The following PKD1 variants were observed in gnomAD, a reference collection of about 807,000 sequenced individuals.
PKD1 encodes polycystin-1.
PKD1 carries 81 observed loss-of-function variants against 361.7 expected under a neutral mutation model. That is an observed-to-expected ratio of 0.22 (90% CI 0.19 to 0.27). The LOEUF (loss-of-function observed/expected upper bound fraction) is 0.27. Ranked by LOEUF, PKD1 falls within the 10% of genes least tolerant of loss-of-function variation. The probability of loss-of-function intolerance (pLI) is 1.00; values close to 1 mark genes in which losing one functional copy is unlikely to be tolerated. For missense variants in PKD1, 6,399 were observed against 6,118.3 expected, an observed-to-expected ratio of 1.05 and a Z score of -1.53; for synonymous variants, 3,615 against 2,818.3, an observed-to-expected ratio of 1.28 and a Z score of -8.95.
chr16:2,090,624 G>GCTGAA (rs1567147607), intron 44 of PKD1, 34 bp from the exon 45 acceptor site: 1 of 1,608,704 alleles, frequency 6.2e-7, no homozygotes. Flanking sequence ...AGGGCGTACA[G>GCTGAA]CTGAGCTGAG....
In PKD1 at chr16:2,117,682, G is replaced by A. The variant is rs529554291; in HGVS notation, c.1202-10C>T. 5.9e-5 allele frequency: 95 copies of A among 1,605,894 alleles called. No individual in the cohort carries two copies. Among genetic ancestry groups the A allele is most frequent in the South Asian group, 2.3e-4 (21 of 90,752 alleles). On this transcript the variant is annotated splice_polypyrimidine_tract_variant and intron_variant, in intron 5 of 45. Transcript: ENST00000262304. ...CAGAGCGGGTGCACCGCTGGAGACC[G>A]GTGGGAACGAGGGTGTCAACGGTCA...
intron 34 of PKD1, among the ~76,000 whole-genome samples, chr16:2,094,415 G>T (rs1247800693): frequency 6.6e-6 from 1 of 152,214 alleles, no homozygotes; most frequent in Non-Finnish European, 1.5e-5. Context: ...ACCGAAGTCA[G>T]GCGTCCGCCT....
At position 2,092,139 on chromosome 16, in the gene PKD1, T is replaced by G. The variant is rs537179634; in HGVS notation, c.11319A>C (p.Ala3773=). Residue 3773 remains alanine (A), a synonymous_variant, in exon 40 of 46, where the codon GCA becomes GCC. Transcript: ENST00000262304. ...PGPRVHTCSA[A]GGFSTSDYDV... Reference sequence around the variant, plus strand: ...CGTAATCGCTGGTGCTGAAGCCTCCTGCGGCCGAGCACGTGTGGACCCTGG... The same window carrying G: ...CGTAATCGCTGGTGCTGAAGCCTCCGGCGGCCGAGCACGTGTGGACCCTGG... 10 of 1,612,542 alleles carry G rather than the reference T, an allele frequency of 6.2e-6. No homozygotes were observed. The highest frequency in any genetic ancestry group is 7.6e-6 in the Non-Finnish European group (9 of 1,179,934).
At chr16:2,099,356 A>G in intron 30 of PKD1, 1 of 457,866 alleles carries the variant, frequency 2.2e-6, no homozygotes, top group African/African-American at 2.0e-5. Flanking sequence ...GGAAGCGTGC[A>G]CAGCCGCGTG....
chr16:2,091,108 G>A lies in PKD1; in HGVS notation c.11779C>T (p.Arg3927Cys), dbSNP rs1194410691. ...GCTCCGAGCCGCAGCACGCGCCAGCGCCCTTCCCTGTGCCAAGTACGGGCC... is the reference window on the plus strand; with the variant it reads ...GCTCCGAGCCGCAGCACGCGCCAGCACCCTTCCCTGTGCCAAGTACGGGCC... The part of the protein sequence containing the change: ...AEARTWHREG[R>C]WRVLRLGAWA... Residue 3927 changes from arginine (R) to cysteine (C), a missense_variant, in exon 43 of 46, where the codon CGC becomes TGC. Coordinates refer to ENST00000262304, the MANE Select transcript of PKD1 (RefSeq NM_001009944.3). 1.1e-5 allele frequency: 16 copies of A among 1,494,300 alleles called. No individual in the cohort carries two copies. Among genetic ancestry groups the A allele is most frequent in the African/African-American group, 1.0e-4 (7 of 68,908 alleles). 92.6% of individuals were successfully genotyped at this position (1,494,300 alleles called of 1,614,324 possible).
chr16:2,104,725 G>A (rs2092267350), intron 21 of PKD1, 83 bp from the exon 22 acceptor site: 2 of 778,682 alleles, frequency 2.6e-6, no homozygotes, highest in Non-Finnish European at 4.3e-6. Flanking sequence ...TCCTCACCTG[G>A]CTCCCACCCC....
At position 2,097,247 on chromosome 16, in the gene PKD1, G is replaced by A. The variant is rs762850752; in HGVS notation, c.10406-6C>T. On this transcript the variant is annotated splice_polypyrimidine_tract_variant and splice_region_variant and intron_variant, in intron 33 of 45. Transcript: ENST00000262304. ...CTGCTGGATCAGGTCTTCATCTAGA[G>A]GTACAGGAGGCATAGGGTGGGCCCA... 9 of 1,593,030 alleles carry A rather than the reference G, an allele frequency of 5.6e-6. No homozygotes were observed. The highest frequency in any genetic ancestry group is 6.0e-6 in the Non-Finnish European group (7 of 1,169,976).
chr16:2,097,682 A>C (rs1470570187), intron 32 of PKD1, 46 bp downstream of exon 32: 2 of 1,610,868 alleles, frequency 1.2e-6, no homozygotes, highest in South Asian at 2.2e-5. Context: ...GGCACCCCAG[A>C]CACAGTGACC....
chr16:2,131,611 G>C (rs1404677100), intron 1 of PKD1, among the ~76,000 whole-genome samples: 1 of 151,920 alleles, frequency 6.6e-6, no homozygotes, highest in Non-Finnish European at 1.5e-5. Flanking sequence ...CTAAGGCCAA[G>C]AGTTCAAGAC....
intron 26 of PKD1, among the ~76,000 whole-genome samples, chr16:2,101,624 A>C (rs1235835229): frequency 6.6e-6 from 1 of 152,250 alleles, no homozygotes; most frequent in South Asian, 2.1e-4. Flanking sequence ...TCTCTAAAAA[A>C]AGAAAAACGA....
intron 1 of PKD1, among the ~76,000 whole-genome samples, chr16:2,128,683 C>CGGGG (rs2092828787): frequency 6.6e-6 from 1 of 152,146 alleles, no homozygotes; most frequent in Admixed American, 6.5e-5. Flanking sequence ...GTGGCCACCG[C>CGGGG]GGGGAGAGGG....
At chr16:2,127,884 G>C (rs1051364195) in intron 1 of PKD1, among the ~76,000 whole-genome samples, 1 of 141,672 alleles carries the variant, frequency 7.1e-6, no homozygotes, top group Non-Finnish European at 1.5e-5. Context: ...AGAGAGAAGG[G>C]ACACAGCAGG....
intron 22 of PKD1, among the ~76,000 whole-genome samples, chr16:2,104,210 G>GAAGGGGGAT (rs1385648742): frequency 1.4e-4 from 3 of 21,840 alleles, no homozygotes; most frequent in African/African-American, 7.9e-4. Context: ...TAAGGGAGGG[G>GAAGGGGGAT]AAGGGGGATG....
rs765688834 is a variant in PKD1, at chr16:2,107,874, G to A, written c.7065+9C>T. The A allele has an allele frequency of 2.3e-5, 36 of 1,542,750 alleles. No individual in the cohort carries two copies. The highest frequency in any genetic ancestry group is 3.9e-5 in the Admixed American group (2 of 50,982). On this transcript the variant is annotated intron_variant, in intron 16 of 45. Coordinates refer to ENST00000262304, the MANE Select transcript of PKD1 (RefSeq NM_001009944.3). ...CAAGGCAAGTGGCCGAGGGGCGGGC[G>A]GCACCCACCGTCTGGTTGGTGGCCT... is the stretch of plus-strand genomic sequence containing the variant.
Position 2,093,846 on chromosome 16 carries a change from A to G in PKD1, c.10786T>C (p.Phe3596Leu). The G allele has an allele frequency of 1.3e-6, 2 of 1,565,012 alleles. No individual in the cohort carries two copies. The highest frequency in any genetic ancestry group is 1.7e-6 in the Non-Finnish European group (2 of 1,160,986). ...TCCCAGCCGAGGAATGAGGCCAGGA[A>G]GCTGGCGCTGCTGGACAGGAGCCAC... Reference protein sequence around the residue: ...VAWLLSSSASFLASFLGWEPL... With the variant: ...VAWLLSSSASLLASFLGWEPL... The change falls in exon 36 of 46, where the codon TTC becomes CTC. Residue 3596 changes from phenylalanine to leucine, a missense_variant. Phe to Leu is a conservative substitution (Grantham distance 22). Transcript: ENST00000262304.
rs776765418 is a variant in PKD1, at chr16:2,109,527, G to A, written c.5640C>T (p.Asn1880=). 6 of 1,611,080 alleles carry A rather than the reference G, an allele frequency of 3.7e-6. No individual in the cohort carries two copies. The South Asian group carries it at 5.5e-5, about 15-fold the overall frequency. ...NAVSWVSATY[N]LTAEEPIVGL... ...CCACGATGGGCTCCTCCGCCGTGAGGTTGTACGTGGCTGAGACCCAGCTGA... is the reference window on the plus strand; with the variant it reads ...CCACGATGGGCTCCTCCGCCGTGAGATTGTACGTGGCTGAGACCCAGCTGA... The change falls in exon 15 of 46, where the codon AAC becomes AAT. Residue 1880 remains asparagine (N), a synonymous_variant. Coordinates refer to ENST00000262304, the MANE Select transcript of PKD1 (RefSeq NM_001009944.3).
In PKD1 at chr16:2,100,307, G is replaced by A. The variant is rs760095634; in HGVS notation, c.9571C>T (p.Leu3191Phe). 10 of 1,610,558 alleles carry A rather than the reference G, an allele frequency of 6.2e-6. No individual in the cohort carries two copies. The highest frequency in any genetic ancestry group is 8.5e-6 in the Non-Finnish European group (10 of 1,179,658). ...KIRVWHDNKGLSPAWFLQHVI... is the reference protein window; with the variant it reads ...KIRVWHDNKGFSPAWFLQHVI... ...TGCTGCAGGAACCAGGCAGGGCTGA[G>A]CCCTGCAGAGGCGCAGGAGGGAGGT... is the stretch of plus-strand genomic sequence containing the variant. The change falls in exon 28 of 46, where the codon CTC becomes TTC. Residue 3191 changes from leucine (L) to phenylalanine (F), a missense_variant and splice_region_variant. Transcript: ENST00000262304. This position sits in a 1 kb window ranked among gnomAD's most constrained non-coding sequence, Gnocchi z 4.4.
intron 1 of PKD1, among the ~76,000 whole-genome samples, chr16:2,130,676 G>A: frequency 6.6e-6 from 1 of 152,176 alleles, no homozygotes; most frequent in East Asian, 1.9e-4. Context: ...GCGCTCTAAG[G>A]CATCAGGCCT....
At chr16:2,105,691 G>C in intron 20 of PKD1, 174 bp downstream of exon 20, 1 of 1,309,430 alleles carries the variant, frequency 7.6e-7, no homozygotes. Context: ...ACGCCGGAGA[G>C]GGCCCGGTGG....
Sources: allele counts gnomAD v4.1 joint callset (sites outside exome capture counted in the v4.1 genomes callset), GRCh38; gene constraint gnomAD v4.1.1; non-coding constraint Gnocchi (gnomAD v3.1); transcripts MANE v1.5; gene names NCBI Gene and HGNC (gene_info 2026-07-23, HGNC 2026-07-21).